The following MAP3K10 variants were observed in gnomAD, a reference collection of about 807,000 sequenced individuals.
The protein encoded by MAP3K10 is mitogen-activated protein kinase kinase kinase 10.
MAP3K10 carries 22 observed loss-of-function variants against 75.0 expected under a neutral mutation model. The ratio of observed to expected loss-of-function variants is 0.29; its 90% CI spans 0.21 to 0.42. MAP3K10 has a LOEUF of 0.42. Among genes scored for constraint, MAP3K10 ranks in the 10% least tolerant of loss-of-function variants. The pLI, the probability that MAP3K10 is intolerant of heterozygous loss-of-function variation, is 1.00. For synonymous variants in MAP3K10, 599 were observed against 612.9 expected, an observed-to-expected ratio of 0.98 and a Z score of 0.34; for missense variants, 1,165 against 1,379.8, an observed-to-expected ratio of 0.84 and a Z score of 2.47.
At position 40,197,565 on chromosome 19, in the gene MAP3K10, ATC is replaced by A. The variant is rs1972930842; in HGVS notation, c.683-809_683-808del. ...GGTCTCGAACTCCTGACCTCAAGTG[ATC>A]CGCCTGCCTTAGCCTCCCAAAGTGC... is the stretch of plus-strand genomic sequence containing the variant. On this transcript the variant is annotated intron_variant, in intron 1 of 9. Coordinates refer to ENST00000253055, the MANE Select transcript of MAP3K10 (RefSeq NM_002446.4). Among the ~76,000 whole-genome samples, 6 of 152,172 alleles carry A rather than the reference ATC, an allele frequency of 3.9e-5. No homozygotes were observed. In the South Asian group the frequency reaches 1.0e-3, roughly 26 times the overall value.
chr19:40,206,735 T>A (rs1052006370), intron 5 of MAP3K10, among the ~76,000 whole-genome samples: 3 of 152,216 alleles, frequency 2.0e-5, no homozygotes, highest in Non-Finnish European at 4.4e-5. Flanking sequence ...GAGAGGAACA[T>A]CTGTCTTGAC....
At chr19:40,207,675 C>T (rs993864367) in intron 5 of MAP3K10, among the ~76,000 whole-genome samples, 3 of 152,028 alleles carry the variant, frequency 2.0e-5, no homozygotes, top group African/African-American at 7.2e-5. Context: ...GCAGAGGTTG[C>T]AGTGAGCCGA....
At chr19:40,200,013 G>A (rs577743985) in intron 2 of MAP3K10, among the ~76,000 whole-genome samples, 4 of 151,764 alleles carry the variant, frequency 2.6e-5, no homozygotes, top group Non-Finnish European at 5.9e-5. Context: ...ACAAAAATTC[G>A]GCCAGGCGCG....
chr19:40,198,609 G>A lies in MAP3K10; in HGVS notation c.863+54G>A, dbSNP rs1972960369. On this transcript the variant is annotated intron_variant, in intron 2 of 9. Coordinates refer to ENST00000253055, the MANE Select transcript of MAP3K10 (RefSeq NM_002446.4). The surrounding 1 kb of genome is among the most constrained non-coding windows in gnomAD (Gnocchi z 4.3). ...CTGGGGAGTAAGGGAGGGAGGAAGG[G>A]GTGAGGGCAGAGTGGGAGGGAGGGT... 2.0e-6 allele frequency: 3 copies of A among 1,533,832 alleles called. No homozygotes were observed. Among genetic ancestry groups the A allele is most frequent in the Non-Finnish European group, 2.7e-6 (3 of 1,128,500 alleles).
Position 40,210,737 on chromosome 19 carries a change from G to A in MAP3K10, c.1552+1518G>A, listed in dbSNP as rs1232882254. On this transcript the variant is annotated intron_variant, in intron 6 of 9. Coordinates refer to ENST00000253055, the MANE Select transcript of MAP3K10 (RefSeq NM_002446.4). Reference sequence around the variant, plus strand: ...AAATTGTCCAAAGACCTGAGAACCTGAACACCAATGTCCAGTGTCTCAGGG... The same window carrying A: ...AAATTGTCCAAAGACCTGAGAACCTAAACACCAATGTCCAGTGTCTCAGGG... Among the ~76,000 whole-genome samples, 3 of 151,976 alleles carry A rather than the reference G, an allele frequency of 2.0e-5. No individual in the cohort carries two copies. In the East Asian group the frequency reaches 5.8e-4, roughly 29 times the overall value.
At position 40,192,436 on chromosome 19, in the gene MAP3K10, G is replaced by A. The variant is rs1205742608; in HGVS notation, c.405G>A (p.Pro135=). ...KAARLDPEKD[P]AVTAEQVCQE... ...CCCGGCTGGACCCTGAGAAGGACCC[G>A]GCAGTGACAGCGGAGCAGGTGTGCC... Residue 135 remains proline, a synonymous_variant, in exon 1 of 10, where the codon CCG becomes CCA. Transcript: ENST00000253055. This position sits in a 1 kb window ranked among gnomAD's most constrained non-coding sequence, Gnocchi z 7.1. 2 of 1,614,036 alleles carry A rather than the reference G, an allele frequency of 1.2e-6. No homozygotes were observed. Among genetic ancestry groups the A allele is most frequent in the East Asian group, 2.2e-5 (1 of 44,880 alleles).
chr19:40,212,751 G>A lies in MAP3K10; in HGVS notation c.1553-54G>A. ...GAGCTGGGGGCACTGGAGGCTGGGA[G>A]CCCAGTGGGGACAGATCCTCCACCC... On this transcript the variant is annotated intron_variant, in intron 6 of 9. Transcript: ENST00000253055. The surrounding 1 kb of genome is among the most constrained non-coding windows in gnomAD (Gnocchi z 4.2). 2 of 1,554,876 alleles carry A rather than the reference G, an allele frequency of 1.3e-6. No homozygotes were observed. Among genetic ancestry groups the A allele is most frequent in the South Asian group, 1.2e-5 (1 of 84,248 alleles).
At position 40,198,973 on chromosome 19, in the gene MAP3K10, C is replaced by T. The variant is rs553192531; in HGVS notation, c.863+418C>T. 2.0e-5 allele frequency among the ~76,000 whole-genome samples: 3 copies of T among 152,310 alleles called. 1 individual carries two copies. The highest frequency in any genetic ancestry group is 7.2e-5 in the African/African-American group (3 of 41,572). On this transcript the variant is annotated intron_variant, in intron 2 of 9. Coordinates refer to ENST00000253055, the MANE Select transcript of MAP3K10 (RefSeq NM_002446.4). This position sits in a 1 kb window ranked among gnomAD's most constrained non-coding sequence, Gnocchi z 4.3. ...GTCCCAGCTACTCGGGAGACTGAGG[C>T]AGGAGAATCACTTGAGGCCGGGAGG...
rs893919564 is a variant in MAP3K10, at chr19:40,205,069, T to C, written c.1013-52T>C. 15 of 1,553,008 alleles carry C rather than the reference T, an allele frequency of 9.7e-6. No individual in the cohort carries two copies. In the Admixed American group the frequency reaches 1.8e-4, roughly 19 times the overall value. On this transcript the variant is annotated intron_variant, in intron 3 of 9. Coordinates refer to ENST00000253055, the MANE Select transcript of MAP3K10 (RefSeq NM_002446.4). This position sits in a 1 kb window ranked among gnomAD's most constrained non-coding sequence, Gnocchi z 4.3. Reference sequence around the variant, plus strand: ...CTGAGCAGGCTGAGTCCCCAGAGCATGACCACTGACACCTCCATGCCCCAC... The same window carrying C: ...CTGAGCAGGCTGAGTCCCCAGAGCACGACCACTGACACCTCCATGCCCCAC...
chr19:40,206,133 G>A lies in MAP3K10; in HGVS notation c.1411G>A (p.Gly471Ser), dbSNP rs759628815. ...CCGCCTGCTCAAGCTGCGGGAAGGCGGCAGCCACATCAGCCTGCCCTCTGG... is the reference window on the plus strand; with the variant it reads ...CCGCCTGCTCAAGCTGCGGGAAGGCAGCAGCCACATCAGCCTGCCCTCTGG... ...RSRLLKLREG[G>S]SHISLPSGFE... Residue 471 changes from glycine (G) to serine (S), a missense_variant, in exon 5 of 10, where the codon GGC becomes AGC. By Grantham distance (56) the Gly-to-Ser change is moderately conservative. This residue lies in a region of MAP3K10 where 575 missense variants were observed against 793.2 expected (regional missense o/e 0.72). Transcript: ENST00000253055. The A allele has an allele frequency of 1.1e-5, 17 of 1,608,084 alleles. No individual in the cohort carries two copies. Among genetic ancestry groups the A allele is most frequent in the Middle Eastern group, 1.6e-4 (1 of 6,062 alleles).
rs1301786697 is a variant in MAP3K10, at chr19:40,215,189, G to T, written c.2762G>T (p.Ser921Ile). The part of the protein sequence containing the change: ...SPPSRPDTPE[S>I]PGPPSVQPTL... ...CCCAGCAGGCCAGACACTCCGGAGA[G>T]CCCTGGGCCCCCCAGCGTGCAGCCC... Residue 921 changes from serine (S) to isoleucine (I), a missense_variant, in exon 10 of 10, where the codon AGC becomes ATC. Physicochemically the swap from Ser to Ile is moderately radical, Grantham distance 142. Around this residue, in one of 2 missense-constraint regions of MAP3K10, gnomAD observed 590 missense variants for 586.6 expected, o/e 1.01. Transcript: ENST00000253055. 2 of 1,591,882 alleles carry T rather than the reference G, an allele frequency of 1.3e-6. No individual in the cohort carries two copies. Among genetic ancestry groups the T allele is most frequent in the Non-Finnish European group, 1.7e-6 (2 of 1,170,128 alleles).
In MAP3K10 at chr19:40,215,249, A is replaced by G. The variant is rs778419707; in HGVS notation, c.2822A>G (p.Gln941Arg). The G allele has an allele frequency of 3.9e-6, 6 of 1,556,602 alleles. No homozygotes were observed. Among genetic ancestry groups the G allele is most frequent in the Non-Finnish European group, 5.2e-6 (6 of 1,150,794 alleles). Residue 941 changes from glutamine (Q) to arginine (R), a missense_variant, in exon 10 of 10, where the codon CAA becomes CGA. By Grantham distance (43) the Gln-to-Arg change is conservative. Coordinates refer to ENST00000253055, the MANE Select transcript of MAP3K10 (RefSeq NM_002446.4). ...LLDMDMEGQNQDSTVPLCGAH... is the reference protein window; with the variant it reads ...LLDMDMEGQNRDSTVPLCGAH... ...GACATGGACATGGAGGGGCAGAACCAAGACAGCACAGTGCCCCTGTGCGGG... is the reference window on the plus strand; with the variant it reads ...GACATGGACATGGAGGGGCAGAACCGAGACAGCACAGTGCCCCTGTGCGGG...
Position 40,202,110 on chromosome 19 carries a change from A to G in MAP3K10, c.864-2375A>G, listed in dbSNP as rs967556335. On this transcript the variant is annotated intron_variant, in intron 2 of 9. Transcript: ENST00000253055. ...GGCTGGAGTTCAGTGGCACGATCTC[A>G]GCTCACTGCAAGCTCCGCCTCCTGG... Among the ~76,000 whole-genome samples the G allele has an allele frequency of 6.6e-5, 10 of 152,124 alleles. No homozygotes were observed. In the East Asian group the frequency reaches 1.6e-3, roughly 24 times the overall value.
chr19:40,192,325 G>A lies in MAP3K10; in HGVS notation c.294G>A (p.Leu98=), dbSNP rs139116041. The change falls in exon 1 of 10, where the codon CTG becomes CTA. Residue 98 remains leucine, a synonymous_variant. Coordinates refer to ENST00000253055, the MANE Select transcript of MAP3K10 (RefSeq NM_002446.4). The surrounding 1 kb of genome is among the most constrained non-coding windows in gnomAD (Gnocchi z 7.1). ...CCCAGGAGATCCCCTTCCACGAGCT[G>A]CAGCTAGAGGAGATCATCGGTGTGG... The part of the protein sequence containing the change: ...QLPQEIPFHE[L]QLEEIIGVGG... 10 of 1,610,010 alleles carry A rather than the reference G, an allele frequency of 6.2e-6. No individual in the cohort carries two copies. Among genetic ancestry groups the A allele is most frequent in the Non-Finnish European group, 8.5e-6 (10 of 1,178,358 alleles).
chr19:40,206,406 A>G (rs1973123700), intron 5 of MAP3K10: 1 of 375,748 alleles, frequency 2.7e-6, no homozygotes, highest in Non-Finnish European at 4.6e-6. Flanking sequence ...ATTTACCAAA[A>G]AAAAAAAAAA....
chr19:40,213,689 C>T lies in MAP3K10; in HGVS notation c.2010C>T (p.Arg670=). The T allele has an allele frequency of 9.1e-7, 1 of 1,094,160 alleles. No homozygotes were observed. Among genetic ancestry groups the T allele is most frequent in the East Asian group, 6.0e-5 (1 of 16,644 alleles). The allele number at this position is 1,094,160 out of a possible 1,614,324, so 67.8% of individuals were successfully genotyped here. A position where few individuals can be genotyped will look rare whatever the true frequency, so the allele number is the denominator to read the frequency against. ...GGTGGGGACACGGCGCCCGGCGGCG[C>T]TGCGACCTGGCGCTGCTAGGCTGCG... ...PARWGHGARR[R]CDLALLGCAT... The change falls in exon 9 of 10, where the codon CGC becomes CGT. Residue 670 remains arginine (R), a synonymous_variant. Transcript: ENST00000253055. The surrounding 1 kb of genome is among the most constrained non-coding windows in gnomAD (Gnocchi z 5.7).
At chr19:40,200,246 G>A (rs1972991376) in intron 2 of MAP3K10, among the ~76,000 whole-genome samples, 4 of 152,224 alleles carry the variant, frequency 2.6e-5, no homozygotes, top group South Asian at 4.1e-4. Context: ...TTGAGATGGC[G>A]CCGTTGCACT....
intron 2 of MAP3K10, among the ~76,000 whole-genome samples, chr19:40,203,765 T>C (rs897214574): frequency 2.6e-5 from 4 of 152,186 alleles, no homozygotes; most frequent in Non-Finnish European, 5.9e-5. Flanking sequence ...TTTTTAGAGG[T>C]AAGTGCTGAG....
chr19:40,202,522 T>A (rs1158799691), intron 2 of MAP3K10, among the ~76,000 whole-genome samples: 1 of 152,186 alleles, frequency 6.6e-6, no homozygotes, highest in Non-Finnish European at 1.5e-5. Flanking sequence ...TCACCTCTTA[T>A]TTTGGGGTCC....
Sources: allele counts gnomAD v4.1 joint callset (sites outside exome capture counted in the v4.1 genomes callset), GRCh38; gene constraint gnomAD v4.1.1; regional missense constraint gnomAD v4.1.1; non-coding constraint Gnocchi (gnomAD v3.1); transcripts MANE v1.5; gene names NCBI Gene and HGNC (gene_info 2026-07-23, HGNC 2026-07-21).